GMDS: variants seen among roughly 807,000 people sequenced by gnomAD.
The protein encoded by GMDS is GDP-mannose 4,6-dehydratase, also known as GDP-mannose 4,6 dehydratase.
GMDS carries 20 observed loss-of-function variants against 49.9 expected under a neutral mutation model. The observed-to-expected ratio is 0.40, with a 90% CI of 0.28 to 0.58. GMDS has a LOEUF of 0.58. Ranked by LOEUF, GMDS falls within the 20% of genes least tolerant of loss-of-function variation. The probability of loss-of-function intolerance (pLI) is 0.42; values close to 1 mark genes in which losing one functional copy is unlikely to be tolerated. For missense variants in GMDS, 362 were observed against 481.4 expected (o/e 0.75, Z 2.32); for synonymous variants, 177 against 178.6 (o/e 0.99, Z 0.07).
chr6:1,679,861 G>C (rs1764734204), intron 9 of GMDS: 1 of 152,186 alleles, frequency 6.6e-6, no homozygotes, highest in Non-Finnish European at 1.5e-5. Flanking sequence ...CAAAGGGGCA[G>C]AGACTGTGCC....
intron 6 of GMDS, among the ~76,000 whole-genome samples, chr6:1,943,423 TC>T (rs1762911625): frequency 6.6e-6 from 1 of 152,242 alleles, no homozygotes; most frequent in Non-Finnish European, 1.5e-5. Context: ...AGACAAGCAT[TC>T]TATTCTGTCT....
chr6:2,035,613 T>C (rs1174088179), intron 4 of GMDS, among the ~76,000 whole-genome samples: 3 of 152,182 alleles, frequency 2.0e-5, no homozygotes, highest in South Asian at 2.1e-4. Context: ...TTATTACCTA[T>C]GGTCAAGTTA....
intron 4 of GMDS, among the ~76,000 whole-genome samples, chr6:2,013,826 G>C (rs951631597): frequency 2.4e-5 from 1 of 42,102 alleles, no homozygotes; most frequent in Non-Finnish European, 5.2e-5. Flanking sequence ...CAGAAAAAGA[G>C]CAAAGAAAGG....
chr6:1,821,049 G>A (rs1770865738), intron 7 of GMDS, among the ~76,000 whole-genome samples: 1 of 152,252 alleles, frequency 6.6e-6, no homozygotes, highest in East Asian at 1.9e-4. Context: ...ACCTCATTGT[G>A]TCTTGTATAC....
chr6:2,205,419 T>C (rs944214005), intron 1 of GMDS, among the ~76,000 whole-genome samples: 12 of 152,216 alleles, frequency 7.9e-5, no homozygotes, highest in African/African-American at 2.9e-4. Context: ...AAGCACACTG[T>C]CCTTGTGTCC....
chr6:1,820,932 C>T (rs903080598), intron 7 of GMDS, among the ~76,000 whole-genome samples: 4 of 152,224 alleles, frequency 2.6e-5, no homozygotes, highest in African/African-American at 9.6e-5. Context: ...GGCTCTAGCC[C>T]AGGCCTGCCT....
intron 4 of GMDS, among the ~76,000 whole-genome samples, chr6:2,096,987 C>T (rs1035025815): frequency 1.3e-5 from 2 of 151,554 alleles, no homozygotes; most frequent in African/African-American, 2.4e-5. Flanking sequence ...TATATAGTCA[C>T]TAAAGACAGA....
chr6:1,906,075 T>A (rs1295195677), intron 7 of GMDS, among the ~76,000 whole-genome samples: 3 of 152,104 alleles, frequency 2.0e-5, no homozygotes, highest in South Asian at 4.1e-4. Flanking sequence ...AACTACCAAA[T>A]AAGTGATGCT....
chr6:1,817,665 ATT>A (rs1479135914), intron 7 of GMDS, among the ~76,000 whole-genome samples: 1 of 152,232 alleles, frequency 6.6e-6, no homozygotes, highest in Non-Finnish European at 1.5e-5. Flanking sequence ...AGAACAAACA[ATT>A]TAATTGCTTC....
chr6:1,804,398 T>G (rs1010598482), intron 7 of GMDS, among the ~76,000 whole-genome samples: 1 of 152,258 alleles, frequency 6.6e-6, no homozygotes, highest in Non-Finnish European at 1.5e-5. Context: ...ACCCCGGCCA[T>G]CCCTGAGGCT....
chr6:1,680,773 AGAT>A (rs960293592), intron 9 of GMDS, among the ~76,000 whole-genome samples: 8 of 152,218 alleles, frequency 5.3e-5, no homozygotes, highest in Admixed American at 2.6e-4. Flanking sequence ...AACCACAAAA[AGAT>A]GACTGCAAAG....
In GMDS at chr6:1,952,513, A is replaced by T. The variant is rs979031655; in HGVS notation, c.643+7354T>A. On this transcript the variant is annotated intron_variant, in intron 6 of 10. Transcript: ENST00000380815. ...CTGATTCCTCAGCTGGGAGATGATT[A>T]AAAAAAGTTCTTCGTGACTCAGAAT... 1.1e-4 allele frequency among the ~76,000 whole-genome samples: 16 copies of T among 152,036 alleles called. 1 individual carries two copies. Among genetic ancestry groups the T allele is most frequent in the Non-Finnish European group, 2.4e-4 (16 of 68,018 alleles).
chr6:1,963,589 T>G (rs1764094516), intron 4 of GMDS, among the ~76,000 whole-genome samples: 1 of 152,226 alleles, frequency 6.6e-6, no homozygotes, highest in Non-Finnish European at 1.5e-5. Context: ...CAACTTCATT[T>G]TTTGCAGATG....
Position 2,052,116 on chromosome 6 carries a change from C to CAAAAAAAA in GMDS, c.345+63647_345+63654dup, listed in dbSNP as rs1285013159. Among the ~76,000 whole-genome samples the CAAAAAAAA allele has an allele frequency of 5.2e-3, 228 of 43,552 alleles. 10 individuals carry two copies. The highest frequency in any genetic ancestry group is 0.022 in the Middle Eastern group (2 of 90). 28.6% of individuals were successfully genotyped at this position (43,552 alleles called of 152,430 possible). On this transcript the variant is annotated intron_variant, in intron 4 of 10. Transcript: ENST00000380815. ...TGGGTGACAGAGCAAGACTCTGTCT[C>CAAAAAAAA]AAAAAAAAAAAAAAGAAAAAAAAAA...
At chr6:2,217,914 A>G (rs2127587644) in intron 1 of GMDS, among the ~76,000 whole-genome samples, 1 of 152,348 alleles carries the variant, frequency 6.6e-6, no homozygotes, top group South Asian at 2.1e-4. Flanking sequence ...CAGAAAATAA[A>G]AAGTCAAGCA....
intron 1 of GMDS, among the ~76,000 whole-genome samples, chr6:2,129,921 G>A (rs371906116): frequency 3.3e-5 from 5 of 152,090 alleles, no homozygotes; most frequent in Non-Finnish European, 7.4e-5. Flanking sequence ...AAGACCATGG[G>A]GATTAATTAA....
intron 9 of GMDS, among the ~76,000 whole-genome samples, chr6:1,718,590 G>A (rs1039585081): frequency 1.3e-5 from 2 of 152,010 alleles, no homozygotes; most frequent in South Asian, 2.1e-4. Context: ...GGGCTGTCCC[G>A]GCAGCTTCGC....
At chr6:1,638,312 G>C (rs1045888737) in intron 9 of GMDS, among the ~76,000 whole-genome samples, 4 of 152,174 alleles carry the variant, frequency 2.6e-5, no homozygotes, top group African/African-American at 4.8e-5. Context: ...CTTTTCTCCA[G>C]CTGGAGATGA....
At chr6:1,693,457 C>T (rs1765240475) in intron 9 of GMDS, among the ~76,000 whole-genome samples, 1 of 152,272 alleles carries the variant, frequency 6.6e-6, no homozygotes, top group African/African-American at 2.4e-5. Flanking sequence ...TCATCCTGTT[C>T]AGTCTCCCAG....
Sources: allele counts gnomAD v4.1 joint callset (sites outside exome capture counted in the v4.1 genomes callset), GRCh38; gene constraint gnomAD v4.1.1; transcripts MANE v1.5; gene names NCBI Gene and HGNC (gene_info 2026-07-23, HGNC 2026-07-21).